Variants in SRPRA observed in about 807,000 individuals in gnomAD.
SRPRA encodes signal recognition particle receptor subunit alpha.
A neutral mutation model predicts 61.1 loss-of-function variants in SRPRA; 30 were observed. That is an observed-to-expected ratio of 0.49 (90% CI 0.37 to 0.67). SRPRA has a LOEUF of 0.67. Among genes scored for constraint, SRPRA ranks in the 30% least tolerant of loss-of-function variants. The pLI, the probability that SRPRA is intolerant of heterozygous loss-of-function variation, is 0.00. For synonymous variants in SRPRA, 324 were observed against 299.7 expected, an observed-to-expected ratio of 1.08 and a Z score of -0.84; for missense variants, 759 against 828.4, an observed-to-expected ratio of 0.92 and a Z score of 1.03.
chr11:126,268,662 G>T, intron 1 of SRPRA, 26 bp downstream of exon 1: 1 of 1,589,488 alleles, frequency 6.3e-7, no homozygotes, highest in South Asian at 1.1e-5. Context: ...GAAGAGCCTG[G>T]AGTTCTGATC....
the SRPRA span, among the ~76,000 whole-genome samples, chr11:126,240,551 A>C: frequency 6.6e-6 from 1 of 152,224 alleles, no homozygotes; most frequent in South Asian, 2.1e-4. Context: ...GGAAGGGAAA[A>C]CTGATTTTAA....
chr11:126,248,523 C>T, the SRPRA span, among the ~76,000 whole-genome samples: 8,394 of 151,756 alleles, frequency 0.055, 362 homozygotes, highest in East Asian at 0.17. Context: ...GGCACCACCA[C>T]CACGCCCAGC....
the SRPRA span, chr11:126,256,585 T>G: frequency 6.2e-7 from 1 of 1,613,908 alleles, no homozygotes; most frequent in Non-Finnish European, 8.5e-7. This position sits in a 1 kb window ranked among gnomAD's most constrained non-coding sequence, Gnocchi z 6.6. Context: ...TCAGAAACTC[T>G]ACGAAAACAA....
rs771221600 is a variant in SRPRA, at chr11:126,266,461, CCT to C, written c.840+13_840+14del. The C allele has an allele frequency of 8.9e-5, 143 of 1,610,852 alleles. No homozygotes were observed. The East Asian group carries it at 1.0e-3, about 12-fold the overall frequency. ...TTTGTTGTTAAAGATCACTTTGACCCCTGTTACCTCTTACCAGGTTGATGTCC... is the reference window on the plus strand; with the variant it reads ...TTTGTTGTTAAAGATCACTTTGACCCGTTACCTCTTACCAGGTTGATGTCC... On this transcript the variant is annotated intron_variant, in intron 6 of 13. Transcript: ENST00000332118.
the SRPRA span, among the ~76,000 whole-genome samples, chr11:126,241,834 G>A: frequency 6.6e-6 from 1 of 152,058 alleles, no homozygotes; most frequent in Non-Finnish European, 1.5e-5. Context: ...ATAGGCATGA[G>A]CCACTGCACC....
chr11:126,263,259 A>C lies in SRPRA; in HGVS notation c.*657T>G, dbSNP rs577505351. 1 of 152,540 alleles carries C rather than the reference A, an allele frequency of 6.6e-6. No individual in the cohort carries two copies. Among genetic ancestry groups the C allele is most frequent in the African/African-American group, 2.4e-5 (1 of 41,580 alleles). The allele number at this position is 152,540 out of a possible 1,614,324, so 9.4% of individuals were successfully genotyped here. On this transcript the variant is annotated 3_prime_UTR_variant, in exon 14 of 14. Coordinates refer to ENST00000332118, the MANE Select transcript of SRPRA (RefSeq NM_003139.4). The stretch of plus-strand genomic sequence containing the variant: ...GAGTGGGAAGAGTTGGGAGGCCAAG[A>C]AGCCCAATGCAACGCTGCAGCTGAG...
chr11:126,266,087 G>C lies in SRPRA; in HGVS notation c.933-6C>G. 6.2e-7 allele frequency: 1 copy of C among 1,613,966 alleles called. No individual in the cohort carries two copies. The highest frequency in any genetic ancestry group is 2.2e-5 in the East Asian group (1 of 44,882). ...CCAGTGTTCCCTTGGTCGCACTGCA[G>C]GGACAGGAGATTACACATACACATA... is the stretch of plus-strand genomic sequence containing the variant. On this transcript the variant is annotated splice_region_variant and splice_polypyrimidine_tract_variant and intron_variant, in intron 7 of 13. Coordinates refer to ENST00000332118, the MANE Select transcript of SRPRA (RefSeq NM_003139.4).
In SRPRA at chr11:126,265,519, A is replaced by C; in HGVS notation, c.1139-79T>G. On this transcript the variant is annotated intron_variant, in intron 9 of 13. Transcript: ENST00000332118. This position sits in a 1 kb window ranked among gnomAD's most constrained non-coding sequence, Gnocchi z 6.3. ...AAAATGCCTAACACCTTTCTGAGCT[A>C]AGGGGACTAAAACAGTAAATTAGAC... The C allele has an allele frequency of 6.7e-7, 1 of 1,485,792 alleles. No individual in the cohort carries two copies. Among genetic ancestry groups the C allele is most frequent in the Non-Finnish European group, 9.1e-7 (1 of 1,096,436 alleles). The allele number at this position is 1,485,792 out of a possible 1,614,324, so 92.0% of individuals were successfully genotyped here. A position where few individuals can be genotyped will look rare whatever the true frequency, so the allele number is the denominator to read the frequency against.
In SRPRA at chr11:126,263,869, A is replaced by G. The variant is rs1453876514; in HGVS notation, c.*47T>C. ...TAAAGCACATTCTTGATACAGGAAG[A>G]AGGGCTTGTGGGGAAAGCGGCGATT... On this transcript the variant is annotated 3_prime_UTR_variant, in exon 14 of 14. Transcript: ENST00000332118. 1 of 1,608,212 alleles carries G rather than the reference A, an allele frequency of 6.2e-7. No individual in the cohort carries two copies. Among genetic ancestry groups the G allele is most frequent in the Non-Finnish European group, 8.5e-7 (1 of 1,177,610 alleles).
Position 126,264,882 on chromosome 11 carries a change from A to G in SRPRA, c.1525+77T>C. On this transcript the variant is annotated intron_variant, in intron 11 of 13. Coordinates refer to ENST00000332118, the MANE Select transcript of SRPRA (RefSeq NM_003139.4). The surrounding 1 kb of genome is among the most constrained non-coding windows in gnomAD (Gnocchi z 5.0). ...ACGAGTCTGTAGTAGCACAAGCCTG[A>G]TCTTCTGCAAATTCCAAGAGAACCC... is the stretch of plus-strand genomic sequence containing the variant. The G allele has an allele frequency of 2.2e-6, 3 of 1,376,770 alleles. No individual in the cohort carries two copies. Among genetic ancestry groups the G allele is most frequent in the Non-Finnish European group, 3.0e-6 (3 of 1,009,542 alleles). 85.3% of individuals were successfully genotyped at this position (1,376,770 alleles called of 1,614,324 possible).
chr11:126,236,916 G>T, the SRPRA span, among the ~76,000 whole-genome samples: 1 of 82,448 alleles, frequency 1.2e-5, no homozygotes, highest in African/African-American at 5.3e-5. Flanking sequence ...TTTCACAGAT[G>T]CTTTTTTTTT....
At chr11:126,254,168 T>C in the SRPRA span, 1 of 1,027,950 alleles carries the variant, frequency 9.7e-7, no homozygotes, top group Non-Finnish European at 1.4e-6. Context: ...CATCAGGTTT[T>C]GCATTCTTGT....
chr11:126,262,753 T>C (rs1363559808), downstream of SRPRA: 1 of 152,536 alleles, frequency 6.6e-6, no homozygotes, highest in Non-Finnish European at 1.5e-5. Flanking sequence ...AAGGTTCCGA[T>C]CTTTCTCCTT....
At chr11:126,255,222 G>A in the SRPRA span, among the ~76,000 whole-genome samples, 20 of 152,044 alleles carry the variant, frequency 1.3e-4, no homozygotes, top group Non-Finnish European at 2.5e-4. The surrounding 1 kb of genome is among the most constrained non-coding windows in gnomAD (Gnocchi z 4.6). Flanking sequence ...GCACATTTTC[G>A]ACTTGTTCAG....
Position 126,266,049 on chromosome 11 carries a change from C to T in SRPRA, c.965G>A (p.Gly322Asp), listed in dbSNP as rs756124764. The change falls in exon 8 of 14, where the codon GGT becomes GAT. Residue 322 changes from glycine (G) to aspartate (D), a missense_variant. Physicochemically the swap from Gly to Asp is moderately conservative, Grantham distance 94. Transcript: ENST00000332118. ...TGAACCCACAAGGCCCTTCAGCATA[C>T]CAAACATGCCACCCAGTGTTCCCTT... The part of the protein sequence containing the change: ...ATKGTLGGMF[G>D]MLKGLVGSKS... 12 of 1,614,078 alleles carry T rather than the reference C, an allele frequency of 7.4e-6. No individual in the cohort carries two copies. In the East Asian group the frequency reaches 2.5e-4, roughly 33 times the overall value.
downstream of SRPRA, chr11:126,262,132 GAGC>G (rs1950714335): frequency 1.1e-5 from 18 of 1,613,914 alleles, no homozygotes; most frequent in Non-Finnish European, 1.5e-5. Flanking sequence ...TGTAGTACAT[GAGC>G]GAGCTAGAGA....
chr11:126,262,270 A>T (rs1417392730), downstream of SRPRA: 4 of 814,346 alleles, frequency 4.9e-6, no homozygotes, highest in Non-Finnish European at 6.0e-6. Context: ...GCGGGGTAGA[A>T]GAGGGGGGAA....
At chr11:126,254,414 T>C in the SRPRA span, 1 of 1,614,210 alleles carries the variant, frequency 6.2e-7, no homozygotes, top group East Asian at 2.2e-5. Flanking sequence ...CAGAACGTGC[T>C]CAGGAACACT....
At position 126,264,274 on chromosome 11, in the gene SRPRA, C is replaced by T; in HGVS notation, c.1705G>A (p.Ala569Thr). ...TGAGCCATAGAATGGTCAGCCAAGG[C>T]TCTGTTGAACTTGACCTGGAAAGAA... Reference protein sequence around the residue: ...AVDQLVKFNRALADHSMAQTP... With the variant: ...AVDQLVKFNRTLADHSMAQTP... Residue 569 changes from alanine (A) to threonine (T), a missense_variant, in exon 13 of 14, where the codon GCC becomes ACC. Ala to Thr is a moderately conservative substitution (Grantham distance 58). Around this residue, in one of 2 missense-constraint regions of SRPRA, gnomAD observed 284 missense variants for 365.9 expected, o/e 0.78. Coordinates refer to ENST00000332118, the MANE Select transcript of SRPRA (RefSeq NM_003139.4). The surrounding 1 kb of genome is among the most constrained non-coding windows in gnomAD (Gnocchi z 5.0). 6.2e-7 allele frequency: 1 copy of T among 1,613,982 alleles called. No homozygotes were observed. Among genetic ancestry groups the T allele is most frequent in the Non-Finnish European group, 8.5e-7 (1 of 1,179,926 alleles).
Sources: allele counts gnomAD v4.1 joint callset (sites outside exome capture counted in the v4.1 genomes callset), GRCh38; gene constraint gnomAD v4.1.1; regional missense constraint gnomAD v4.1.1; non-coding constraint Gnocchi (gnomAD v3.1); transcripts MANE v1.5; gene names NCBI Gene and HGNC (gene_info 2026-07-23, HGNC 2026-07-21).